Variants in DNAH3 observed in about 807,000 individuals in gnomAD.
The protein encoded by DNAH3 is axonemal beta dynein heavy chain 3.
A neutral mutation model predicts 432.5 loss-of-function variants in DNAH3; 332 were observed. The observed-to-expected ratio is 0.77, with a 90% CI of 0.70 to 0.84. DNAH3 has a LOEUF of 0.84. DNAH3 is among the 40% of genes least tolerant of loss of function. The probability of loss-of-function intolerance (pLI) is 0.00; values close to 1 mark genes in which losing one functional copy is unlikely to be tolerated. For synonymous variants in DNAH3, 1,956 were observed against 1,900.2 expected (o/e 1.03, Z -0.76); for missense variants, 4,861 against 5,114.0 (o/e 0.95, Z 1.51).
rs560606890 is a variant in DNAH3 at position 20,997,040 on chromosome 16, T to C, written c.6601+243A>G. The C allele has an allele frequency of 6.8e-6, 3 of 444,272 alleles. No homozygotes were observed. The East Asian group carries it at 1.1e-4, about 16-fold the overall frequency. 27.5% of individuals were successfully genotyped at this position (444,272 alleles called of 1,614,324 possible). The stretch of plus-strand genomic sequence containing the variant: ...TGCTGGCCACACTGAACTCTCCTTT[T>C]CCTATGAGACTCTCTGTTTCTCTAG... On this transcript the variant is annotated intron_variant, in intron 44 of 61. Transcript: ENST00000261383.
chr16:21,115,746 A>AAAATT (rs1567816626), intron 12 of DNAH3, among the ~76,000 whole-genome samples: 6 of 149,610 alleles, frequency 4.0e-5, no homozygotes, highest in African/African-American at 1.5e-4. Flanking sequence ...AAAATAAAAT[A>AAAATT]AAAATAAAAT....
exon 31 of DNAH3, chr16:21,049,637 C>G: frequency 6.2e-7 from 1 of 1,614,162 alleles, no homozygotes; most frequent in South Asian, 1.1e-5. Flanking sequence ...AAGAACTTCC[C>G]CATAGCTTTG....
At chr16:21,153,711 C>T (rs988180899) in intron 1 of DNAH3, among the ~76,000 whole-genome samples, 10 of 151,990 alleles carry the variant, frequency 6.6e-5, no homozygotes, top group Admixed American at 1.3e-4. Flanking sequence ...CGAACACATC[C>T]GAGCATCAGA....
At chr16:21,039,993 AG>A in intron 32 of DNAH3, 50 bp from the exon 33 acceptor site, 2 of 1,432,592 alleles carry the variant, frequency 1.4e-6, no homozygotes, top group Middle Eastern at 3.5e-4. Flanking sequence ...GTGAATACTG[AG>A]GGAACGCACA....
chr16:20,963,244 C>T (rs2084902987), intron 53 of DNAH3, 40 bp downstream of exon 53: 1 of 1,582,668 alleles, frequency 6.3e-7, no homozygotes. Context: ...CCCACACATA[C>T]TGGGCTTTCC....
chr16:21,061,516 G>A (rs933213803), intron 25 of DNAH3, among the ~76,000 whole-genome samples: 12 of 152,200 alleles, frequency 7.9e-5, no homozygotes, highest in African/African-American at 1.7e-4. Context: ...AAGCCACCAC[G>A]CCCGGCCCAT....
chr16:20,962,022 G>A (rs912902169), intron 53 of DNAH3, among the ~76,000 whole-genome samples: 8 of 151,652 alleles, frequency 5.3e-5, no homozygotes, highest in Admixed American at 1.3e-4. Context: ...TTAGCCAGAC[G>A]TGGCAGCACG....
At position 21,124,548 on chromosome 16, in the gene DNAH3, A is replaced by T. The variant is rs1252009320; in HGVS notation, c.1404+627T>A. ...TTTTATACCTCTCTTTAAAAATTAA[A>T]AAATTGATACTGATTAATTGTACAT... On this transcript the variant is annotated intron_variant, in intron 9 of 61. Transcript: ENST00000261383. Among the ~76,000 whole-genome samples the T allele has an allele frequency of 2.6e-5, 4 of 152,366 alleles. No homozygotes were observed. In the East Asian group the frequency reaches 7.7e-4, roughly 29 times the overall value.
intron 7 of DNAH3, among the ~76,000 whole-genome samples, chr16:21,131,541 A>G (rs1393753683): frequency 1.3e-5 from 2 of 149,490 alleles, no homozygotes; most frequent in East Asian, 4.0e-4. Context: ...AAGAAAGAAA[A>G]AGAAAGGAAG....
At chr16:21,048,531 C>T (rs1324782953) in intron 31 of DNAH3, among the ~76,000 whole-genome samples, 1 of 152,230 alleles carries the variant, frequency 6.6e-6, no homozygotes, top group Non-Finnish European at 1.5e-5. Context: ...CGCCCTGCTT[C>T]GGCTGGCGCA....
intron 49 of DNAH3, 116 bp downstream of exon 49, chr16:20,982,605 A>AT (rs1334726422): frequency 1.3e-5 from 10 of 773,126 alleles, no homozygotes; most frequent in Non-Finnish European, 1.8e-5. Flanking sequence ...ATTTAAAAGC[A>AT]TAAGACATTT....
At chr16:21,123,494 C>T (rs182207277) in intron 9 of DNAH3, among the ~76,000 whole-genome samples, 50 of 152,244 alleles carry the variant, frequency 3.3e-4, no homozygotes, top group African/African-American at 1.0e-3. Context: ...GTTTCTTATG[C>T]TTAGCAAAGT....
rs566512174 is a variant in DNAH3, at chr16:20,965,674, C to T, written c.8459-249G>A. ...CCTTTGCCTATACTGTAAATGGCAT[C>T]TAGCTGGCTCCTGACCAGACCTCAG... On this transcript the variant is annotated intron_variant, in intron 52 of 61. Transcript: ENST00000261383. Among the ~76,000 whole-genome samples, 4 of 152,246 alleles carry T rather than the reference C, an allele frequency of 2.6e-5. No homozygotes were observed. The South Asian group carries it at 8.3e-4, about 32-fold the overall frequency.
chr16:20,950,708 A>G (rs1567513636), intron 56 of DNAH3, among the ~76,000 whole-genome samples: 1 of 152,190 alleles, frequency 6.6e-6, no homozygotes, highest in East Asian at 1.9e-4. Flanking sequence ...ATTAAGCTGC[A>G]TTTTGACCTT....
chr16:21,048,385 G>A (rs1175157763), intron 31 of DNAH3, among the ~76,000 whole-genome samples: 5 of 152,208 alleles, frequency 3.3e-5, no homozygotes, highest in African/African-American at 9.6e-5. Flanking sequence ...GTGGTGCCCC[G>A]TTTTTTAAGC....
At chr16:21,000,564 G>C in intron 42 of DNAH3, 46 bp from the exon 43 acceptor site, 1 of 1,531,134 alleles carries the variant, frequency 6.5e-7, no homozygotes, top group Non-Finnish European at 8.8e-7. Flanking sequence ...GGCCCAGGAA[G>C]CTGGAGGTCT....
Position 20,933,375 on chromosome 16 carries a change from CAT to C in DNAH3, c.12128_12129del (p.Tyr4043Ter). ...TTCAGCCAAATGATGGGCAGTGGGT[CAT>C]AGAGGATTTTGGGGAGAGATTCCCC... is the stretch of plus-strand genomic sequence containing the variant. On this transcript the variant is annotated frameshift_variant, in exon 62 of 62. Coordinates refer to ENST00000261383, the Ensembl canonical transcript of DNAH3. LOFTEE classifies it high-confidence loss of function. The C allele has an allele frequency of 6.2e-7, 1 of 1,614,200 alleles. No individual in the cohort carries two copies. The highest frequency in any genetic ancestry group is 8.5e-7 in the Non-Finnish European group (1 of 1,180,042).
chr16:20,938,206 A>G (rs1331242397), intron 59 of DNAH3, among the ~76,000 whole-genome samples: 1 of 152,144 alleles, frequency 6.6e-6, no homozygotes, highest in African/African-American at 2.4e-5. Flanking sequence ...AGCCTGGCCA[A>G]CATGGTTAAA....
chr16:20,965,757 G>A (rs1342539594), intron 52 of DNAH3, among the ~76,000 whole-genome samples: 1 of 152,152 alleles, frequency 6.6e-6, no homozygotes, highest in Non-Finnish European at 1.5e-5. Flanking sequence ...CTGTCAGCCA[G>A]GCTAGAGTTC....
Sources: gnomAD v4.1 joint callset for allele counts (sites outside exome capture counted in the v4.1 genomes callset) on GRCh38, gnomAD v4.1.1 for gene constraint, MANE v1.5 for transcripts, NCBI Gene and HGNC (gene_info 2026-07-23, HGNC 2026-07-21) for gene names.